Variants in MORF4L1 observed in about 807,000 individuals in gnomAD.
MORF4L1 encodes the protein mortality factor 4 like 1, also known as mortality factor 4-like protein 1.
A neutral mutation model predicts 52.9 loss-of-function variants in MORF4L1; 4 were observed. The observed-to-expected ratio is 0.08, with a 90% CI of 0.04 to 0.17. MORF4L1 has a LOEUF of 0.17. Among genes scored for constraint, MORF4L1 ranks in the 10% least tolerant of loss-of-function variants. The pLI, the probability that MORF4L1 is intolerant of heterozygous loss-of-function variation, is 1.00. For missense variants in MORF4L1, 214 were observed against 390.4 expected, an observed-to-expected ratio of 0.55 and a Z score of 3.81; for synonymous variants, 123 against 134.8, an observed-to-expected ratio of 0.91 and a Z score of 0.61.
chr15:78,877,044 A>G, intron 1 of MORF4L1, among the ~76,000 whole-genome samples: 1 of 148,022 alleles, frequency 6.8e-6, no homozygotes, highest in Non-Finnish European at 1.5e-5. Context: ...GGTTCAAGCG[A>G]TTCTCATGTC....
At chr15:78,891,247 A>C in intron 6 of MORF4L1, 1 of 666,134 alleles carries the variant, frequency 1.5e-6, no homozygotes, top group Non-Finnish European at 2.6e-6. Context: ...CCCACTGAGA[A>C]GATAACATTT....
intron 1 of MORF4L1, 121 bp from the exon 2 acceptor site, chr15:78,878,092 C>T (rs971254496): frequency 5.5e-6 from 5 of 910,840 alleles, no homozygotes. Flanking sequence ...TCTGTATACC[C>T]GTCCTCATTT....
intron 7 of MORF4L1, among the ~76,000 whole-genome samples, chr15:78,891,892 T>A (rs1045632335): frequency 6.6e-6 from 1 of 152,190 alleles, no homozygotes; most frequent in Non-Finnish European, 1.5e-5. Context: ...AGTTTTGATA[T>A]CCATGGTAAA....
chr15:78,897,497 T>A lies in MORF4L1; in HGVS notation c.*430T>A, dbSNP rs987382518. The stretch of plus-strand genomic sequence containing the variant: ...ATCCATTTGTGCTTTTGTTTTTTTT[T>A]ATGGTGCTTAAAGTAAAGAGCCCAT... On this transcript the variant is annotated 3_prime_UTR_variant, in exon 12 of 12. Coordinates refer to ENST00000426013, the MANE Select transcript of MORF4L1 (RefSeq NM_006791.4). 4 of 154,758 alleles carry A rather than the reference T, an allele frequency of 2.6e-5. No homozygotes were observed. Among genetic ancestry groups the A allele is most frequent in the East Asian group, 1.9e-4 (1 of 5,266 alleles). The allele number at this position is 154,758 out of a possible 1,614,324, so 9.6% of individuals were successfully genotyped here.
chr15:78,897,217 G>A lies in MORF4L1; in HGVS notation c.*150G>A. 3.5e-6 allele frequency: 2 copies of A among 570,396 alleles called. No homozygotes were observed. The highest frequency in any genetic ancestry group is 6.2e-6 in the Non-Finnish European group (2 of 324,760). 35.3% of individuals were successfully genotyped at this position (570,396 alleles called of 1,614,324 possible). A position where few individuals can be genotyped will look rare whatever the true frequency, so the allele number is the denominator to read the frequency against. On this transcript the variant is annotated 3_prime_UTR_variant, in exon 12 of 12. Coordinates refer to ENST00000426013, the MANE Select transcript of MORF4L1 (RefSeq NM_006791.4). The stretch of plus-strand genomic sequence containing the variant: ...GATTTTAAACAGAGAAAAAATAAAA[G>A]GGGGTAATAGCTCCTTTTTTCTTCT...
chr15:78,876,830 A>G (rs769296456), intron 1 of MORF4L1, among the ~76,000 whole-genome samples: 16 of 152,242 alleles, frequency 1.1e-4, no homozygotes, highest in Non-Finnish European at 1.5e-4. Context: ...ACTTAAAAGA[A>G]TTATAGAACT....
At chr15:78,889,546 G>C (rs764190603) in intron 5 of MORF4L1, among the ~76,000 whole-genome samples, 3 of 152,070 alleles carry the variant, frequency 2.0e-5, no homozygotes, top group Non-Finnish European at 2.9e-5. Context: ...CAGTATTTTA[G>C]TTTTATATTA....
rs888066074 is a variant in MORF4L1 at position 78,880,207 on chromosome 15, T to C, written c.88-305T>C. The stretch of plus-strand genomic sequence containing the variant: ...GAGGAATTTGCTTTTGAAATAAATA[T>C]AGCTCCTGGCTGATTAGACTGAGAA... On this transcript the variant is annotated intron_variant, in intron 2 of 11. Coordinates refer to ENST00000426013, the MANE Select transcript of MORF4L1 (RefSeq NM_006791.4). 5.3e-5 allele frequency among the ~76,000 whole-genome samples: 8 copies of C among 152,368 alleles called. No individual in the cohort carries two copies. The East Asian group carries it at 1.2e-3, about 22-fold the overall frequency.
chr15:78,881,902 G>A (rs1390331912), intron 3 of MORF4L1, among the ~76,000 whole-genome samples: 1 of 152,166 alleles, frequency 6.6e-6, no homozygotes, highest in Non-Finnish European at 1.5e-5. Context: ...TGTTACTATG[G>A]AAGGAGTTTA....
chr15:78,876,915 A>G (rs2056503683), intron 1 of MORF4L1, among the ~76,000 whole-genome samples: 1 of 152,092 alleles, frequency 6.6e-6, no homozygotes. Context: ...GCTTGAAAAT[A>G]CATAGTTTTA....
intron 1 of MORF4L1, 89 bp downstream of exon 1, chr15:78,873,146 G>C: frequency 6.5e-7 from 1 of 1,542,070 alleles, no homozygotes; most frequent in African/African-American, 1.4e-5. Flanking sequence ...GCCGGGGGCG[G>C]CGCGGGCTGC....
chr15:78,878,397 C>T, intron 2 of MORF4L1, 138 bp downstream of exon 2: 1 of 607,320 alleles, frequency 1.6e-6, no homozygotes, highest in South Asian at 3.1e-5. Flanking sequence ...TAAATTTCTT[C>T]ATCTTTCTGA....
intron 5 of MORF4L1, among the ~76,000 whole-genome samples, chr15:78,889,806 T>C (rs2056767726): frequency 6.6e-6 from 1 of 152,228 alleles, no homozygotes; most frequent in Non-Finnish European, 1.5e-5. Context: ...ATAACATTTA[T>C]AAGTATTATT....
chr15:78,886,307 A>C, intron 4 of MORF4L1, 80 bp downstream of exon 4: 5 of 1,233,108 alleles, frequency 4.1e-6, no homozygotes, highest in African/African-American at 1.5e-5. Flanking sequence ...AATGGAGATC[A>C]TGTTGGCTGC....
At chr15:78,882,833 G>A (rs1269479317) in intron 3 of MORF4L1, among the ~76,000 whole-genome samples, 1 of 151,862 alleles carries the variant, frequency 6.6e-6, no homozygotes, top group Non-Finnish European at 1.5e-5. Flanking sequence ...GCTTCTTAGG[G>A]AGGCTGAGGT....
intron 3 of MORF4L1, among the ~76,000 whole-genome samples, chr15:78,885,415 A>G (rs1385343036): frequency 2.6e-5 from 4 of 152,238 alleles, no homozygotes; most frequent in African/African-American, 9.6e-5. Flanking sequence ...ATGTCTTAAC[A>G]TTTTTGAGAG....
At chr15:78,882,458 CTG>C (rs764183868) in intron 3 of MORF4L1, among the ~76,000 whole-genome samples, 6 of 152,174 alleles carry the variant, frequency 3.9e-5, no homozygotes, top group Non-Finnish European at 5.9e-5. Context: ...TAGAAGTAAA[CTG>C]TGCTTTTAGT....
intron 5 of MORF4L1, among the ~76,000 whole-genome samples, chr15:78,888,451 A>G (rs201770091): frequency 1.5e-5 from 2 of 131,660 alleles, no homozygotes; most frequent in Admixed American, 8.7e-5. Context: ...TTTTAAAAAG[A>G]AAAAAAAAAA....
rs533294775 is a variant in MORF4L1, at chr15:78,881,960, C to T, written c.155+1381C>T. ...CCCTGTGACTTTGGTCTTGTTTCAT[C>T]TAGTACTCTATCCAGGTGACCAACC... On this transcript the variant is annotated intron_variant, in intron 3 of 11. Coordinates refer to ENST00000426013, the MANE Select transcript of MORF4L1 (RefSeq NM_006791.4). Among the ~76,000 whole-genome samples the T allele has an allele frequency of 1.1e-3, 169 of 152,270 alleles. 4 individuals are homozygous for T. The South Asian group carries it at 0.034, about 31-fold the overall frequency.
Sources: allele counts gnomAD v4.1 joint callset (sites outside exome capture counted in the v4.1 genomes callset), GRCh38; gene constraint gnomAD v4.1.1; transcripts MANE v1.5; gene names NCBI Gene and HGNC (gene_info 2026-07-23, HGNC 2026-07-21).